MMAA: variants seen among roughly 807,000 people sequenced by gnomAD.
MMAA encodes the protein metabolism of cobalamin associated A, also known as methylmalonic aciduria type A protein, mitochondrial.
In MMAA, 41 loss-of-function variants were observed where a neutral mutation model predicts 45.0. That is an observed-to-expected ratio of 0.91 (90% CI 0.71 to 1.18). MMAA has a LOEUF of 1.18. Ranked by LOEUF, MMAA falls within the 50% of genes most tolerant of loss-of-function variation. The pLI, the probability that MMAA is intolerant of heterozygous loss-of-function variation, is 0.00. For missense variants in MMAA, 460 were observed against 495.7 expected, an observed-to-expected ratio of 0.93 and a Z score of 0.68; for synonymous variants, 154 against 178.2, an observed-to-expected ratio of 0.86 and a Z score of 1.08.
intron 1 of MMAA, chr4:145,624,394 CTG>C: frequency 1.3e-6 from 1 of 783,264 alleles, no homozygotes; most frequent in Non-Finnish European, 2.3e-6. Flanking sequence ...AGCCAGTCAG[CTG>C]TGTTAAAGGA....
At chr4:145,651,952 G>C (rs1438297423) in intron 5 of MMAA, among the ~76,000 whole-genome samples, 3 of 152,184 alleles carry the variant, frequency 2.0e-5, no homozygotes, top group African/African-American at 7.2e-5. Flanking sequence ...GATCTAACGG[G>C]ACAGAGCTTA....
chr4:145,646,780 C>T (rs1489203820), intron 4 of MMAA, among the ~76,000 whole-genome samples: 1 of 152,154 alleles, frequency 6.6e-6, no homozygotes. Flanking sequence ...CGATAAAGGG[C>T]ATTTGCAAAG....
rs1444179731 is a variant in MMAA at position 145,624,733 on chromosome 4, A to G, written c.-66+5326A>G. On this transcript the variant is annotated intron_variant, in intron 1 of 6. Coordinates refer to ENST00000649156, the MANE Select transcript of MMAA (RefSeq NM_172250.3). ...TCCTTTCCTTCTTTGTTCAGAAGCC[A>G]CTTATACAGAGCCTTCTCCTCACAA... The G allele has an allele frequency of 5.7e-6, 9 of 1,585,370 alleles. 1 individual carries two copies. In the Admixed American group the frequency reaches 1.4e-4, roughly 24 times the overall value.
chr4:145,628,796 G>A (rs1191227336), intron 1 of MMAA, among the ~76,000 whole-genome samples: 3 of 151,944 alleles, frequency 2.0e-5, no homozygotes, highest in African/African-American at 7.3e-5. Flanking sequence ...AGAAATATGT[G>A]GTCAGCCAAA....
At position 145,655,294 on chromosome 4, in the gene MMAA, G is replaced by T. The variant is rs1311110494; in HGVS notation, c.1117G>T (p.Glu373Ter). The change falls in exon 7 of 7, where the codon GAA becomes TAA. Residue 373 changes from glutamate to a stop codon, truncating the protein, a stop_gained. Coordinates refer to ENST00000649156, the MANE Select transcript of MMAA (RefSeq NM_172250.3). LOFTEE classifies it high-confidence loss of function. Reference sequence around the variant, plus strand: ...AGTTTGGATGTGGAATCTCATTCAGGAAAGTGTGTTAGAGCATTTCAGGAC... The same window carrying T: ...AGTTTGGATGTGGAATCTCATTCAGTAAAGTGTGTTAGAGCATTTCAGGAC... Reference protein sequence around the residue: ...QKVWMWNLIQESVLEHFRTHP... With the variant: ...QKVWMWNLIQ 6.2e-7 allele frequency: 1 copy of T among 1,614,170 alleles called. No individual in the cohort carries two copies. Among genetic ancestry groups the T allele is most frequent in the Non-Finnish European group, 8.5e-7 (1 of 1,180,030 alleles).
chr4:145,624,528 C>T lies in MMAA; in HGVS notation c.-66+5121C>T, dbSNP rs573210468. ...CCTGATAAGCCACTCTGACAAGGTG[C>T]TGTTCTTTATGACTTGGAAGGAATC... On this transcript the variant is annotated intron_variant, in intron 1 of 6. Coordinates refer to ENST00000649156, the MANE Select transcript of MMAA (RefSeq NM_172250.3). 8.9e-5 allele frequency: 98 copies of T among 1,100,992 alleles called. 2 individuals are homozygous for T. The South Asian group carries it at 1.3e-3, about 14-fold the overall frequency. The allele number at this position is 1,100,992 out of a possible 1,614,324, so 68.2% of individuals were successfully genotyped here.
chr4:145,640,274 A>G (rs1364495240), intron 2 of MMAA, among the ~76,000 whole-genome samples: 1 of 151,912 alleles, frequency 6.6e-6, no homozygotes, highest in East Asian at 1.9e-4. Context: ...TACCATGCCC[A>G]GCTAATTTTT....
At chr4:145,620,908 G>C (rs142927192) in intron 1 of MMAA, among the ~76,000 whole-genome samples, 59 of 152,258 alleles carry the variant, frequency 3.9e-4, no homozygotes, top group African/African-American at 1.4e-3. Flanking sequence ...AAAGGCAAGC[G>C]CAAGAGGTGC....
intron 6 of MMAA, among the ~76,000 whole-genome samples, chr4:145,654,417 C>T (rs1469007154): frequency 2.0e-5 from 3 of 152,086 alleles, no homozygotes; most frequent in Non-Finnish European, 1.5e-5. Context: ...TGAAAGGAAC[C>T]ATCCTTATTA....
At position 145,622,682 on chromosome 4, in the gene MMAA, T is replaced by C. The variant is rs1009313675; in HGVS notation, c.-66+3275T>C. Among the ~76,000 whole-genome samples, 34 of 152,220 alleles carry C rather than the reference T, an allele frequency of 2.2e-4. 2 individuals are homozygous for C. The highest frequency in any genetic ancestry group is 1.6e-3 in the Admixed American group (24 of 15,268). The stretch of plus-strand genomic sequence containing the variant: ...TTTTACATACTCATTAACATAGTGA[T>C]TAATGTAAACTATATTTTGACAATG... On this transcript the variant is annotated intron_variant, in intron 1 of 6. Coordinates refer to ENST00000649156, the MANE Select transcript of MMAA (RefSeq NM_172250.3).
intron 1 of MMAA, among the ~76,000 whole-genome samples, chr4:145,634,097 T>TC (rs1727542135): frequency 6.6e-6 from 1 of 152,224 alleles, no homozygotes; most frequent in African/African-American, 2.4e-5. Context: ...CCTAGGGCTA[T>TC]ACAGTCAGCG....
rs1241037597 is a variant in MMAA at position 145,646,159 on chromosome 4, G to A, written c.733+3G>A. On this transcript the variant is annotated splice_donor_region_variant and intron_variant, in intron 4 of 6. Coordinates refer to ENST00000649156, the MANE Select transcript of MMAA (RefSeq NM_172250.3). ...CATAATTCTTATTGAAACCGTTGGT[G>A]AGTGTGATATTCTATTTCATAACAA... 1.9e-6 allele frequency: 3 copies of A among 1,613,870 alleles called. No individual in the cohort carries two copies. In the African/African-American group the frequency reaches 4.0e-5, roughly 22 times the overall value.
intron 1 of MMAA, among the ~76,000 whole-genome samples, chr4:145,632,446 C>T (rs1390492455): frequency 6.6e-6 from 1 of 152,076 alleles, no homozygotes; most frequent in African/African-American, 2.4e-5. Flanking sequence ...TATCCTTGAC[C>T]TTTGGGAGTT....
chr4:145,622,004 G>A (rs533847067), intron 1 of MMAA, among the ~76,000 whole-genome samples: 2 of 152,282 alleles, frequency 1.3e-5, no homozygotes, highest in Admixed American at 1.3e-4. Flanking sequence ...ATTGACCCAT[G>A]CAGAATTATG....
chr4:145,654,027 C>G lies in MMAA; in HGVS notation c.853C>G (p.Leu285Val). The G allele has an allele frequency of 6.2e-7, 1 of 1,614,124 alleles. No individual in the cohort carries two copies. The highest frequency in any genetic ancestry group is 8.5e-7 in the Non-Finnish European group (1 of 1,179,990). The change falls in exon 6 of 7, where the codon CTG (leucine) becomes GTG (valine). Residue 285 changes from leucine (L) to valine (V), a missense_variant. Coordinates refer to ENST00000649156, the MANE Select transcript of MMAA (RefSeq NM_172250.3). ...AAGGGGTATAATCGAGATGGCAGAT[C>G]TGGTAGCTGTAACTAAATCTGATGG... is the stretch of plus-strand genomic sequence containing the variant. ...IKRGIIEMAD[L>V]VAVTKSDGDL...
rs940024839 is a variant in MMAA at position 145,631,598 on chromosome 4, A to G, written c.-65-7477A>G. ...ATTGGGTCTTTTATTTTTTTTATCCATTCCACCACTCTATGTTTTTTTACC... is the reference window on the plus strand; with the variant it reads ...ATTGGGTCTTTTATTTTTTTTATCCGTTCCACCACTCTATGTTTTTTTACC... On this transcript the variant is annotated intron_variant, in intron 1 of 6. Coordinates refer to ENST00000649156, the MANE Select transcript of MMAA (RefSeq NM_172250.3). 7.2e-5 allele frequency among the ~76,000 whole-genome samples: 11 copies of G among 151,948 alleles called. No homozygotes were observed. The East Asian group carries it at 1.5e-3, about 21-fold the overall frequency.
intron 1 of MMAA, chr4:145,625,022 T>A (rs1014810215): frequency 1.1e-6 from 1 of 918,042 alleles, no homozygotes; most frequent in African/African-American, 1.6e-5. Flanking sequence ...ATTATAGGAC[T>A]GGAACAAGAG....
At chr4:145,631,079 T>C (rs1734326756) in intron 1 of MMAA, among the ~76,000 whole-genome samples, 1 of 152,236 alleles carries the variant, frequency 6.6e-6, no homozygotes, top group Non-Finnish European at 1.5e-5. Flanking sequence ...TGTAGTCTAT[T>C]CTTGAGAATG....
Position 145,659,201 on chromosome 4 carries a change from A to G in MMAA, c.*3767A>G, listed in dbSNP as rs1487115966. 2.6e-5 allele frequency: 4 copies of G among 152,146 alleles called. No individual in the cohort carries two copies. The highest frequency in any genetic ancestry group is 9.7e-5 in the African/African-American group (4 of 41,446). 9.4% of individuals were successfully genotyped at this position (152,146 alleles called of 1,614,324 possible). A position where few individuals can be genotyped will look rare whatever the true frequency, so the allele number is the denominator to read the frequency against. On this transcript the variant is annotated 3_prime_UTR_variant, in exon 7 of 7. Transcript: ENST00000649156. ...ATTTTAAAATTTACTAAATTTATGA[A>G]CGTTTTTATCCCACTTGAGATGAAT...
Sources: gnomAD v4.1 joint callset for allele counts (sites outside exome capture counted in the v4.1 genomes callset) on GRCh38, gnomAD v4.1.1 for gene constraint, MANE v1.5 for transcripts, NCBI Gene and HGNC (gene_info 2026-07-23, HGNC 2026-07-21) for gene names.